Variants in CTDSPL observed in about 807,000 individuals in gnomAD.
CTDSPL encodes CTD small phosphatase-like protein.
Under a neutral mutation model 30.5 loss-of-function variants are expected in CTDSPL, and 8 were observed. The ratio of observed to expected loss-of-function variants is 0.26; its 90% CI spans 0.15 to 0.47. The LOEUF (loss-of-function observed/expected upper bound fraction) is 0.47, where lower values mean the gene tolerates loss of function less well. Among genes scored for constraint, CTDSPL ranks in the 20% least tolerant of loss-of-function variants. The probability of loss-of-function intolerance (pLI) is 0.99; values close to 1 mark genes in which losing one functional copy is unlikely to be tolerated. For synonymous variants in CTDSPL, 110 were observed against 137.9 expected, an observed-to-expected ratio of 0.80 and a Z score of 1.42; for missense variants, 248 against 366.1, an observed-to-expected ratio of 0.68 and a Z score of 2.63.
chr3:37,888,487 A>G (rs917569862), intron 1 of CTDSPL, among the ~76,000 whole-genome samples: 2 of 152,082 alleles, frequency 1.3e-5, no homozygotes, highest in African/African-American at 2.4e-5. Flanking sequence ...AGAGCCCTAG[A>G]AGGGTGTCAG....
chr3:37,919,852 G>A (rs993307460), intron 1 of CTDSPL, among the ~76,000 whole-genome samples: 1 of 152,162 alleles, frequency 6.6e-6, no homozygotes, highest in Non-Finnish European at 1.5e-5. Context: ...AGTAAGCCAA[G>A]TGAAAAGCCC....
Position 37,862,107 on chromosome 3 carries a change from C to T in CTDSPL, c.-93C>T, listed in dbSNP as rs1343987074. On this transcript the variant is annotated 5_prime_UTR_variant, in exon 1 of 8. Coordinates refer to ENST00000273179, the MANE Select transcript of CTDSPL (RefSeq NM_001008392.2). The surrounding 1 kb of genome is among the most constrained non-coding windows in gnomAD (Gnocchi z 4.3). ...CCCAGGCAGCGGCTGCGAGCGCCCC[C>T]CCGCGCCGCGCCCCCGCGCCCCCCG... is the stretch of plus-strand genomic sequence containing the variant. 13 of 369,378 alleles carry T rather than the reference C, an allele frequency of 3.5e-5. No homozygotes were observed. The highest frequency in any genetic ancestry group is 6.7e-5 in the Admixed American group (1 of 14,830). The allele number at this position is 369,378 out of a possible 1,614,324, so 22.9% of individuals were successfully genotyped here.
intron 2 of CTDSPL, among the ~76,000 whole-genome samples, chr3:37,947,610 A>G (rs1699054950): frequency 6.6e-6 from 1 of 152,212 alleles, no homozygotes; most frequent in Admixed American, 6.5e-5. Flanking sequence ...GTGTACAGCC[A>G]TTTACTTAAA....
chr3:37,897,030 A>G (rs975029024), intron 1 of CTDSPL, among the ~76,000 whole-genome samples: 14 of 152,230 alleles, frequency 9.2e-5, no homozygotes, highest in African/African-American at 3.4e-4. Context: ...TCAGCATTCT[A>G]TGATCTGATG....
intron 1 of CTDSPL, among the ~76,000 whole-genome samples, chr3:37,936,654 G>GT (rs1430775076): frequency 1.3e-5 from 1 of 76,682 alleles, no homozygotes; most frequent in Non-Finnish European, 2.4e-5. Flanking sequence ...CCTCTCCCCA[G>GT]TTAAAAAAAA....
Position 37,982,764 on chromosome 3 carries a change from A to C in CTDSPL, c.*1897A>C, listed in dbSNP as rs1247127420. 2 of 402,818 alleles carry C rather than the reference A, an allele frequency of 5.0e-6. No individual in the cohort carries two copies. The highest frequency in any genetic ancestry group is 1.0e-5 in the Non-Finnish European group (2 of 198,126). 25.0% of individuals were successfully genotyped at this position (402,818 alleles called of 1,614,324 possible). On this transcript the variant is annotated 3_prime_UTR_variant, in exon 8 of 8. Transcript: ENST00000273179. ...TATTACCACAGATAATGACAGTTACATGGTAGAACTGCCCATGCCACAAAT... is the reference window on the plus strand; with the variant it reads ...TATTACCACAGATAATGACAGTTACCTGGTAGAACTGCCCATGCCACAAAT...
At position 37,970,925 on chromosome 3, in the gene CTDSPL, G is replaced by C. The variant is rs577651027; in HGVS notation, c.427-482G>C. 1.1e-3 allele frequency among the ~76,000 whole-genome samples: 170 copies of C among 152,288 alleles called. 3 individuals are homozygous for C. The South Asian group carries it at 0.034, about 30-fold the overall frequency. On this transcript the variant is annotated intron_variant, in intron 5 of 7. Coordinates refer to ENST00000273179, the MANE Select transcript of CTDSPL (RefSeq NM_001008392.2). ...CTTCAACCCCAGACCTTCCTAGTAA[G>C]GGGGATGTCCATCCAGAACAGAAGG... is the stretch of plus-strand genomic sequence containing the variant.
chr3:37,947,308 C>A, intron 2 of CTDSPL, 97 bp downstream of exon 2: 1 of 1,423,066 alleles, frequency 7.0e-7, no homozygotes, highest in Non-Finnish European at 9.5e-7. Flanking sequence ...TATGCAGAGC[C>A]AGGCGTGGTG....
intron 1 of CTDSPL, among the ~76,000 whole-genome samples, chr3:37,922,968 A>G (rs1343318829): frequency 6.6e-6 from 1 of 152,224 alleles, no homozygotes; most frequent in Non-Finnish European, 1.5e-5. Flanking sequence ...TGAGTTCACC[A>G]AGCTTCCTTC....
At chr3:37,871,034 A>G (rs1294574938) in intron 1 of CTDSPL, among the ~76,000 whole-genome samples, 1 of 152,186 alleles carries the variant, frequency 6.6e-6, no homozygotes, top group Non-Finnish European at 1.5e-5. Context: ...ACAAATGTAT[A>G]ATTACATATA....
At position 37,984,225 on chromosome 3, in the gene CTDSPL, C is replaced by T. The variant is rs1291929422; in HGVS notation, c.*3358C>T. On this transcript the variant is annotated 3_prime_UTR_variant, in exon 8 of 8. Transcript: ENST00000273179. ...TACTGTACTGTAACTTTGATCATGTCTGTTCCTGTTCCATTCTCCCAGGAG... is the reference window on the plus strand; with the variant it reads ...TACTGTACTGTAACTTTGATCATGTTTGTTCCTGTTCCATTCTCCCAGGAG... The T allele has an allele frequency of 1.3e-5, 6 of 456,386 alleles. No individual in the cohort carries two copies. Among genetic ancestry groups the T allele is most frequent in the Non-Finnish European group, 1.8e-5 (4 of 226,988 alleles). The allele number at this position is 456,386 out of a possible 1,614,324, so 28.3% of individuals were successfully genotyped here. A position where few individuals can be genotyped will look rare whatever the true frequency, so the allele number is the denominator to read the frequency against.
intron 1 of CTDSPL, among the ~76,000 whole-genome samples, chr3:37,888,752 C>T (rs1393141573): frequency 6.6e-6 from 1 of 152,212 alleles, no homozygotes; most frequent in Non-Finnish European, 1.5e-5. Context: ...TCATCCTCAT[C>T]TCCTAGAAGT....
intron 1 of CTDSPL, among the ~76,000 whole-genome samples, chr3:37,927,791 A>T (rs1468740158): frequency 5.3e-5 from 8 of 151,388 alleles, no homozygotes; most frequent in Non-Finnish European, 1.0e-4. Context: ...AAATCTCTAG[A>T]ATTTTTTTAT....
At chr3:37,906,834 C>T (rs1021519120) in intron 1 of CTDSPL, among the ~76,000 whole-genome samples, 3 of 152,194 alleles carry the variant, frequency 2.0e-5, no homozygotes, top group Non-Finnish European at 2.9e-5. Context: ...AAAGTCACTT[C>T]GCCCTCTGAG....
Position 37,982,806 on chromosome 3 carries a change from A to G in CTDSPL, c.*1939A>G. ...GCCACAAATATTTATTTGGAAAAGT[A>G]GTCATTAAATGAACCCACTGCCTTA... On this transcript the variant is annotated 3_prime_UTR_variant, in exon 8 of 8. Transcript: ENST00000273179. 2.7e-6 allele frequency: 1 copy of G among 369,156 alleles called. No homozygotes were observed. The highest frequency in any genetic ancestry group is 5.4e-6 in the Non-Finnish European group (1 of 185,436). 22.9% of individuals were successfully genotyped at this position (369,156 alleles called of 1,614,324 possible).
rs192873820 is a variant in CTDSPL at position 37,951,194 on chromosome 3, C to T, written c.234+3983C>T. ...CATCCTGGCTAACACAGTGAAACTC[C>T]GTCTCTACTAAAAAATACAAAAAAT... On this transcript the variant is annotated intron_variant, in intron 2 of 7. Transcript: ENST00000273179. Among the ~76,000 whole-genome samples, 319 of 151,892 alleles carry T rather than the reference C, an allele frequency of 2.1e-3. 2 individuals carry two copies. Among genetic ancestry groups the T allele is most frequent in the African/African-American group, 7.3e-3 (303 of 41,414 alleles).
In CTDSPL at chr3:37,983,704, G is replaced by C. The variant is rs1699519591; in HGVS notation, c.*2837G>C. On this transcript the variant is annotated 3_prime_UTR_variant, in exon 8 of 8. Transcript: ENST00000273179. ...TACTTCTCTGGCCAGGCCTCCAGTG[G>C]AAGTGCACAGGCACTCCCAATGTTG... The C allele has an allele frequency of 6.5e-6, 1 of 154,588 alleles. No homozygotes were observed. Among genetic ancestry groups the C allele is most frequent in the African/African-American group, 2.4e-5 (1 of 41,492 alleles). The allele number at this position is 154,588 out of a possible 1,614,324, so 9.6% of individuals were successfully genotyped here.
chr3:37,921,738 G>C (rs1348792783), intron 1 of CTDSPL, among the ~76,000 whole-genome samples: 1 of 152,084 alleles, frequency 6.6e-6, no homozygotes, highest in East Asian at 1.9e-4. Flanking sequence ...TGTGGTAAGG[G>C]GCCAGACCAC....
chr3:37,964,275 T>A (rs979624654), intron 3 of CTDSPL, among the ~76,000 whole-genome samples: 1 of 152,156 alleles, frequency 6.6e-6, no homozygotes, highest in Non-Finnish European at 1.5e-5. Flanking sequence ...TTATAACTGA[T>A]AACAACAACC....
Sources: gnomAD v4.1 joint callset for allele counts (sites outside exome capture counted in the v4.1 genomes callset) on GRCh38, gnomAD v4.1.1 for gene constraint, Gnocchi (gnomAD v3.1) non-coding constraint, MANE v1.5 for transcripts, NCBI Gene and HGNC (gene_info 2026-07-23, HGNC 2026-07-21) for gene names.